The following PNPLA7 variants were observed in gnomAD, a reference collection of about 807,000 sequenced individuals.
PNPLA7 encodes the protein patatin-like phospholipase domain-containing protein 7.
A neutral mutation model predicts 161.7 loss-of-function variants in PNPLA7; 153 were observed. The ratio of observed to expected loss-of-function variants is 0.95; its 90% CI spans 0.83 to 1.08. PNPLA7 has a LOEUF of 1.08. Ranked by LOEUF, PNPLA7 falls within the 50% of genes least tolerant of loss-of-function variation. PNPLA7 has a pLI of 0.00. For missense variants in PNPLA7, 1,739 were observed against 1,856.6 expected (o/e 0.94, Z 1.16); for synonymous variants, 809 against 782.1 (o/e 1.03, Z -0.57).
chr9:137,517,119 C>T (rs1453213737), intron 11 of PNPLA7, among the ~76,000 whole-genome samples: 1 of 144,150 alleles, frequency 6.9e-6, no homozygotes, highest in African/African-American at 2.6e-5. Flanking sequence ...TCACTCACTC[C>T]ACTCTGTCCA....
At chr9:137,513,266 G>A (rs1040434091) in intron 12 of PNPLA7, among the ~76,000 whole-genome samples, 6 of 152,064 alleles carry the variant, frequency 3.9e-5, no homozygotes, top group Non-Finnish European at 7.4e-5. Context: ...TGAGGTGGGC[G>A]GATCACCTGA....
At chr9:137,501,537 G>A (rs1432622246) in intron 15 of PNPLA7, 113 bp downstream of exon 15, 9 of 1,036,686 alleles carry the variant, frequency 8.7e-6, no homozygotes, top group Admixed American at 2.3e-5. Flanking sequence ...GTGGCCCGGT[G>A]CTGGGAGGTC....
At chr9:137,545,101 C>T (rs777561439) in intron 4 of PNPLA7, among the ~76,000 whole-genome samples, 16 of 152,022 alleles carry the variant, frequency 1.1e-4, no homozygotes, top group African/African-American at 1.9e-4. Flanking sequence ...TGCAGGGAGG[C>T]GGCCAGGGGA....
intron 8 of PNPLA7, among the ~76,000 whole-genome samples, chr9:137,528,986 C>T (rs1835442224): frequency 6.6e-6 from 1 of 152,228 alleles, no homozygotes; most frequent in Non-Finnish European, 1.5e-5. Flanking sequence ...AGGCGTGAGC[C>T]ACCGCGCCCG....
At chr9:137,493,649 G>A (rs1267663682) in intron 19 of PNPLA7, among the ~76,000 whole-genome samples, 1 of 152,230 alleles carries the variant, frequency 6.6e-6, no homozygotes, top group Non-Finnish European at 1.5e-5. Flanking sequence ...GGCTTCACCC[G>A]CACTGTCCCC....
In PNPLA7 at chr9:137,515,513, C is replaced by T. The variant is rs1406645232; in HGVS notation, c.1091G>A (p.Gly364Glu). The T allele has an allele frequency of 6.4e-7, 1 of 1,552,612 alleles. No individual in the cohort carries two copies. The highest frequency in any genetic ancestry group is 8.7e-7 in the Non-Finnish European group (1 of 1,152,026). ...CCCAGCAGCTGCCGGGCGGCCGCCC[C>T]CGTGATCTGCTGGGGAGGCAGCCGT... is the stretch of plus-strand genomic sequence containing the variant. Reference protein sequence around the residue: ...RLQESCDSDHGGGRPAAAGPL... With the variant: ...RLQESCDSDHEGGRPAAAGPL... Residue 364 changes from glycine to glutamate, a missense_variant, in exon 12 of 35, where the codon GGG (glycine) becomes GAG (glutamate). By Grantham distance (98) the Gly-to-Glu change is moderately conservative. Transcript: ENST00000406427.
At chr9:137,539,167 G>A (rs529326844) in intron 8 of PNPLA7, among the ~76,000 whole-genome samples, 276 of 151,936 alleles carry the variant, frequency 1.8e-3, no homozygotes, top group Non-Finnish European at 3.1e-3. Flanking sequence ...GCCTTACCAA[G>A]GCTGTTCTCT....
intron 27 of PNPLA7, 70 bp downstream of exon 27, chr9:137,464,270 G>A (rs1831362096): frequency 1.2e-6 from 2 of 1,606,712 alleles, no homozygotes; most frequent in Non-Finnish European, 1.7e-6. Flanking sequence ...CTGACCCAGG[G>A]CCAAGAGGTG....
In PNPLA7 at chr9:137,545,824, G is replaced by A. The variant is rs547214166; in HGVS notation, c.273+1006C>T. ...CCACCAGAGGGCTCCTTGGTCTAGT[G>A]GTGACGCCAGCGTCTGGGAAGATGC... is the stretch of plus-strand genomic sequence containing the variant. On this transcript the variant is annotated intron_variant, in intron 4 of 34. Coordinates refer to ENST00000406427, the MANE Select transcript of PNPLA7 (RefSeq NM_001098537.3). Among the ~76,000 whole-genome samples, 118 of 152,312 alleles carry A rather than the reference G, an allele frequency of 7.7e-4. 1 individual carries two copies. In the South Asian group the frequency reaches 0.016, roughly 20 times the overall value.
rs377631440 is a variant in PNPLA7 at position 137,464,141 on chromosome 9, G to T, written c.3211C>A (p.Arg1071=). The change falls in exon 28 of 35, where the codon CGG becomes AGG. Residue 1071 remains arginine, a synonymous_variant. Transcript: ENST00000406427. ...GAGTGCTCACCGTCGGTGTGGACCC[G>T]CATGGCCGAGGCTGTGATGTCGGTG... ...ITTDITASAM[R]VHTDGSLWWY... 2 of 1,613,548 alleles carry T rather than the reference G, an allele frequency of 1.2e-6. No homozygotes were observed. Among genetic ancestry groups the T allele is most frequent in the Admixed American group, 1.7e-5 (1 of 60,010 alleles).
At position 137,547,637 on chromosome 9, in the gene PNPLA7, G is replaced by A; in HGVS notation, c.53C>T (p.Ala18Val). 1 of 1,613,132 alleles carries A rather than the reference G, an allele frequency of 6.2e-7. No individual in the cohort carries two copies. The highest frequency in any genetic ancestry group is 1.7e-5 in the Admixed American group (1 of 60,028). The stretch of plus-strand genomic sequence containing the variant: ...GAACCACAGTCCCCAAGAGTGCAGG[G>A]CGGTGCCCAGGCAGAAGTCAGCCTG... ...SPQADFCLGT[A>V]LHSWGLWFTE... The change falls in exon 2 of 35, where the codon GCC becomes GTC. Residue 18 changes from alanine (A) to valine (V), a missense_variant. Ala to Val is a moderately conservative substitution (Grantham distance 64). Around this residue, in one of 6 missense-constraint regions of PNPLA7, gnomAD observed 209 missense variants for 252.8 expected, o/e 0.83. Coordinates refer to ENST00000406427, the MANE Select transcript of PNPLA7 (RefSeq NM_001098537.3). The surrounding 1 kb of genome is among the most constrained non-coding windows in gnomAD (Gnocchi z 4.6).
chr9:137,547,406 A>T lies in PNPLA7; in HGVS notation c.106-10T>A, dbSNP rs781469100. The T allele has an allele frequency of 1.2e-6, 2 of 1,613,240 alleles. No individual in the cohort carries two copies. Among genetic ancestry groups the T allele is most frequent in the Non-Finnish European group, 1.7e-6 (2 of 1,179,888 alleles). Reference sequence around the variant, plus strand: ...CTGCAATCCCCGTCAGCTGGCCGAGAGTGGAAACACGGCGCCCATCAGCAA... The same window carrying T: ...CTGCAATCCCCGTCAGCTGGCCGAGTGTGGAAACACGGCGCCCATCAGCAA... On this transcript the variant is annotated splice_polypyrimidine_tract_variant and intron_variant, in intron 2 of 34. Transcript: ENST00000406427. This position sits in a 1 kb window ranked among gnomAD's most constrained non-coding sequence, Gnocchi z 4.6.
At chr9:137,492,185 A>G (rs1476651393) in intron 20 of PNPLA7, 8 of 985,292 alleles carry the variant, frequency 8.1e-6, no homozygotes, top group South Asian at 4.7e-5. Flanking sequence ...GAAAGAATGA[A>G]TATGCTGGAG....
intron 11 of PNPLA7, among the ~76,000 whole-genome samples, chr9:137,518,696 C>G (rs1834798250): frequency 1.1e-5 from 1 of 92,240 alleles, no homozygotes; most frequent in Admixed American, 1.0e-4. Context: ...TCACTCACTC[C>G]ACTCTGCTCA....
intron 7 of PNPLA7, 42 bp downstream of exon 7, chr9:137,542,600 A>G (rs1442205186): frequency 6.7e-7 from 1 of 1,501,798 alleles, no homozygotes; most frequent in Non-Finnish European, 9.0e-7. Context: ...GTGGAGGTAA[A>G]TGCGCAGCCG....
rs552296108 is a variant in PNPLA7 at position 137,520,959 on chromosome 9, G to A, written c.957+677C>T. ...AGCCTCTGCTGGACGCGGACGTAGG[G>A]ACCCCACGGGACGGGCATGGGGAGA... On this transcript the variant is annotated intron_variant, in intron 10 of 34. Transcript: ENST00000406427. This position sits in a 1 kb window ranked among gnomAD's most constrained non-coding sequence, Gnocchi z 5.2. Among the ~76,000 whole-genome samples the A allele has an allele frequency of 1.3e-5, 2 of 151,234 alleles. No individual in the cohort carries two copies. The highest frequency in any genetic ancestry group is 4.2e-4 in the South Asian group (2 of 4,762).
intron 14 of PNPLA7, among the ~76,000 whole-genome samples, chr9:137,502,712 C>CGGGGGACGGG (rs1554767760): frequency 1.2e-4 from 1 of 8,212 alleles, no homozygotes; most frequent in African/African-American, 7.1e-4. Flanking sequence ...GCGGGGGACG[C>CGGGGGACGGG]GGGGGACGCG....
chr9:137,463,757 C>T (rs1248913749), intron 28 of PNPLA7, among the ~76,000 whole-genome samples: 2 of 152,062 alleles, frequency 1.3e-5, no homozygotes, highest in Non-Finnish European at 1.5e-5. Context: ...ACCCCCTCAC[C>T]CCAGGACTGA....
intron 31 of PNPLA7, 22 bp downstream of exon 31, chr9:137,462,157 G>A (rs1831241352): frequency 6.5e-7 from 1 of 1,550,110 alleles, no homozygotes; most frequent in Non-Finnish European, 8.7e-7. Flanking sequence ...CGCCTCCGCC[G>A]CCGCGGGTGG....
Sources: allele counts gnomAD v4.1 joint callset (sites outside exome capture counted in the v4.1 genomes callset), GRCh38; gene constraint gnomAD v4.1.1; regional missense constraint gnomAD v4.1.1; non-coding constraint Gnocchi (gnomAD v3.1); transcripts MANE v1.5; gene names NCBI Gene and HGNC (gene_info 2026-07-23, HGNC 2026-07-21).